BAHCC1: variants seen among roughly 807,000 people sequenced by gnomAD.
The protein encoded by BAHCC1 is BAH domain and coiled-coil containing 1, also known as BAH and coiled-coil domain-containing protein 1.
Under a neutral mutation model 88.2 loss-of-function variants are expected in BAHCC1, and 43 were observed. The ratio of observed to expected loss-of-function variants is 0.49; its 90% CI spans 0.38 to 0.63. The LOEUF (loss-of-function observed/expected upper bound fraction) is 0.63, where lower values mean the gene tolerates loss of function less well. Among genes scored for constraint, BAHCC1 ranks in the 20% least tolerant of loss-of-function variants. The pLI is 0.00. For synonymous variants in BAHCC1, 1,510 were observed against 745.5 expected (o/e 2.03, Z -16.71); for missense variants, 3,023 against 1,654.8 (o/e 1.83, Z -14.34).
chr17:81,418,605 C>T (rs2064065553), intron 2 of BAHCC1, among the ~76,000 whole-genome samples: 1 of 152,144 alleles, frequency 6.6e-6, no homozygotes, highest in South Asian at 2.1e-4. Flanking sequence ...ACAGCGGAGG[C>T]CAAGAGCCCT....
chr17:81,416,986 T>G (rs1352950747), intron 2 of BAHCC1, among the ~76,000 whole-genome samples: 1 of 152,154 alleles, frequency 6.6e-6, no homozygotes, highest in African/African-American at 2.4e-5. Flanking sequence ...CGTTGCCGTG[T>G]TGTCCCCTGC....
chr17:81,436,791 GT>G (rs1287470973), intron 3 of BAHCC1, among the ~76,000 whole-genome samples: 1 of 152,228 alleles, frequency 6.6e-6, no homozygotes, highest in Non-Finnish European at 1.5e-5. Context: ...CCCTCCCCAG[GT>G]TCCCAGACTT....
rs1400775031 is a variant in BAHCC1 at position 81,434,219 on chromosome 17, TC to T, written c.359-4147del. On this transcript the variant is annotated intron_variant, in intron 3 of 27. Coordinates refer to ENST00000675386, the MANE Select transcript of BAHCC1 (RefSeq NM_001377448.1). The surrounding 1 kb of genome is among the most constrained non-coding windows in gnomAD (Gnocchi z 4.9). The stretch of plus-strand genomic sequence containing the variant: ...AGACAGTGCCCACAGCCTCCCACGT[TC>T]CCCAGGGCCTCCCAGGCTGGCTGCC... Among the ~76,000 whole-genome samples, 1 of 152,036 alleles carries T rather than the reference TC, an allele frequency of 6.6e-6. No homozygotes were observed. The highest frequency in any genetic ancestry group is 2.4e-5 in the African/African-American group (1 of 41,392).
Position 81,442,420 on chromosome 17 carries a change from C to A in BAHCC1, c.1071C>A (p.Leu357=). Residue 357 remains leucine, a synonymous_variant, in exon 5 of 28, where the codon CTC becomes CTA. Transcript: ENST00000675386. Reference sequence around the variant, plus strand: ...CCTACGCCGGGCCACCCCCGCCCCTCAGCACAGCCGCCGGCTCCTTCCCCT... The same window carrying A: ...CCTACGCCGGGCCACCCCCGCCCCTAAGCACAGCCGCCGGCTCCTTCCCCT... The part of the protein sequence containing the change: ...TASYAGPPPP[L]STAAGSFPCL... 2.8e-6 allele frequency: 2 copies of A among 703,126 alleles called. No homozygotes were observed. The highest frequency in any genetic ancestry group is 1.5e-5 in the South Asian group (1 of 65,976). 43.6% of individuals were successfully genotyped at this position (703,126 alleles called of 1,614,324 possible).
At chr17:81,436,592 C>A (rs1170665835) in intron 3 of BAHCC1, among the ~76,000 whole-genome samples, 2 of 152,070 alleles carry the variant, frequency 1.3e-5, no homozygotes, top group Non-Finnish European at 2.9e-5. Context: ...ACTCCCCTAC[C>A]CCCGCCCCAG....
intron 11 of BAHCC1, among the ~76,000 whole-genome samples, chr17:81,449,439 G>A (rs1313034667): frequency 9.2e-5 from 14 of 152,196 alleles, no homozygotes; most frequent in Admixed American, 9.2e-4. Context: ...GATTTGCAGA[G>A]GGGGAAGTGG....
chr17:81,419,211 C>CGGA, intron 2 of BAHCC1, among the ~76,000 whole-genome samples: 1 of 152,212 alleles, frequency 6.6e-6, no homozygotes, highest in African/African-American at 2.4e-5. Context: ...CTGGTGCGGG[C>CGGA]GGAGGTCCCA....
chr17:81,410,247 G>A (rs1366946350), intron 2 of BAHCC1, among the ~76,000 whole-genome samples: 1 of 152,214 alleles, frequency 6.6e-6, no homozygotes, highest in Non-Finnish European at 1.5e-5. Flanking sequence ...GAGGCCTGGG[G>A]AGGAGGCGGC....
chr17:81,421,153 C>T (rs1555649542), intron 2 of BAHCC1, among the ~76,000 whole-genome samples: 5 of 152,238 alleles, frequency 3.3e-5, no homozygotes, highest in Admixed American at 3.3e-4. Context: ...AGACCCCCTC[C>T]CTGGCCCCCA....
chr17:81,419,724 GCGGGAGC>G (rs540713788), intron 2 of BAHCC1, among the ~76,000 whole-genome samples: 1 of 151,990 alleles, frequency 6.6e-6, no homozygotes, highest in Non-Finnish European at 1.5e-5. Context: ...TCCGGAAGCA[GCGGGAGC>G]CGGGAGCCTG....
Position 81,443,880 on chromosome 17 carries a change from G to T in BAHCC1, c.2287G>T (p.Asp763Tyr), listed in dbSNP as rs782726658. Residue 763 changes from aspartate to tyrosine, a missense_variant, in exon 6 of 28, where the codon GAC (aspartate) becomes TAC (tyrosine). Coordinates refer to ENST00000675386, the MANE Select transcript of BAHCC1 (RefSeq NM_001377448.1). ...GGAGGAGAGGACGAGGCTATGTGAT[G>T]ACCGCCTGGGGCTTGCCAGCCGCGA... ...AEEERTRLCD[D>Y]RLGLASRELL... 2 of 713,634 alleles carry T rather than the reference G, an allele frequency of 2.8e-6. No individual in the cohort carries two copies. Among genetic ancestry groups the T allele is most frequent in the Non-Finnish European group, 5.2e-6 (2 of 384,934 alleles). 44.2% of individuals were successfully genotyped at this position (713,634 alleles called of 1,614,324 possible). A position where few individuals can be genotyped will look rare whatever the true frequency, so the allele number is the denominator to read the frequency against.
intron 2 of BAHCC1, among the ~76,000 whole-genome samples, chr17:81,408,868 T>C (rs1243586142): frequency 6.6e-6 from 1 of 152,188 alleles, no homozygotes; most frequent in Non-Finnish European, 1.5e-5. Flanking sequence ...GGAAATGTCC[T>C]TCTGTCCCTT....
Position 81,460,878 on chromosome 17 carries a change from T to C in BAHCC1, c.6215T>C (p.Leu2072Pro), listed in dbSNP as rs782183761. The stretch of plus-strand genomic sequence containing the variant: ...CTTTTGCCCTCAGGTAAAGCCGAAC[T>C]CCTAACCTCAGGTGCCAAATCCCCC... ...ISKDKAGKAE[L>P]LTSGAKSPTG... The change falls in exon 26 of 28, where the codon CTC becomes CCC. Residue 2072 changes from leucine (L) to proline (P), a missense_variant. Leu to Pro is a moderately conservative substitution (Grantham distance 98, BLOSUM62 -3). Transcript: ENST00000675386. The C allele has an allele frequency of 1.8e-5, 14 of 766,434 alleles. No homozygotes were observed. The highest frequency in any genetic ancestry group is 2.6e-5 in the Non-Finnish European group (11 of 417,868). The allele number at this position is 766,434 out of a possible 1,614,324, so 47.5% of individuals were successfully genotyped here.
intron 4 of BAHCC1, among the ~76,000 whole-genome samples, chr17:81,441,255 A>G (rs1323041183): frequency 3.3e-5 from 5 of 152,260 alleles, no homozygotes; most frequent in East Asian, 1.9e-4. Flanking sequence ...GGTTCTGGCC[A>G]TGGATGCTCG....
chr17:81,445,226 C>T (rs1555653985), intron 9 of BAHCC1, 48 bp downstream of exon 9: 5 of 729,566 alleles, frequency 6.9e-6, no homozygotes, highest in Non-Finnish European at 1.0e-5. Context: ...TCTCCCCAAC[C>T]CTGCCTGGCC....
Position 81,461,386 on chromosome 17 carries a change from G to GCCCAGC in BAHCC1, c.6730_6735dup (p.Pro2244_Ser2245dup), listed in dbSNP as rs781800776. ...TCAGCCCCAAGCTCGGGCGGCCCCTGCCCAGCCCCAGCTATGTGCACCCGG... is the reference window on the plus strand; with the variant it reads ...TCAGCCCCAAGCTCGGGCGGCCCCTGCCCAGCCCCAGCCCCAGCTATGTGCACCCGG... On this transcript the variant is annotated inframe_insertion, in exon 26 of 28. Transcript: ENST00000675386. 6.9e-5 allele frequency: 50 copies of GCCCAGC among 722,434 alleles called. No homozygotes were observed. In the Admixed American group the frequency reaches 9.4e-4, roughly 14 times the overall value. The allele number at this position is 722,434 out of a possible 1,614,324, so 44.8% of individuals were successfully genotyped here.
intron 3 of BAHCC1, among the ~76,000 whole-genome samples, chr17:81,437,740 G>A (rs576914749): frequency 4.6e-5 from 7 of 152,322 alleles, no homozygotes; most frequent in East Asian, 1.9e-4. Flanking sequence ...CGGAGTCACC[G>A]CCTGGGGTTT....
intron 1 of BAHCC1, among the ~76,000 whole-genome samples, chr17:81,397,842 C>T (rs570788105): frequency 3.3e-5 from 5 of 152,360 alleles, no homozygotes; most frequent in South Asian, 2.1e-4. Context: ...AAAGAGAACT[C>T]TTTGTGTAGA....
intron 2 of BAHCC1, among the ~76,000 whole-genome samples, chr17:81,404,553 G>A (rs371900371): frequency 6.6e-6 from 1 of 152,218 alleles, no homozygotes; most frequent in African/African-American, 2.4e-5. Context: ...CAGGAGGCTG[G>A]AGGAGGATGG....
Sources: allele counts gnomAD v4.1 joint callset (sites outside exome capture counted in the v4.1 genomes callset), GRCh38; gene constraint gnomAD v4.1.1; non-coding constraint Gnocchi (gnomAD v3.1); transcripts MANE v1.5; gene names NCBI Gene and HGNC (gene_info 2026-07-23, HGNC 2026-07-21).